Variants in THSD7B observed in about 807,000 individuals in gnomAD.
THSD7B encodes the protein thrombospondin type-1 domain-containing protein 7B.
In THSD7B, 138 loss-of-function variants were observed where a neutral mutation model predicts 213.6. That is an observed-to-expected ratio of 0.65 (90% confidence interval 0.56 to 0.74). The LOEUF (loss-of-function observed/expected upper bound fraction) is 0.74, where lower values mean the gene tolerates loss of function less well. Among genes scored for constraint, THSD7B ranks in the 30% least tolerant of loss-of-function variants. The pLI is 0.00. For missense variants in THSD7B, 1,931 were observed against 1,991.5 expected (o/e 0.97, Z 0.58); for synonymous variants, 742 against 687.0 (o/e 1.08, Z -1.25).
At chr2:137,387,140 C>T (rs182053666) in intron 12 of THSD7B, among the ~76,000 whole-genome samples, 18 of 152,322 alleles carry the variant, frequency 1.2e-4, no homozygotes, top group African/African-American at 3.8e-4. Context: ...GAACTCAGTT[C>T]TCTGTGTTAT....
At chr2:137,398,145 CT>C (rs1686243167) in intron 12 of THSD7B, among the ~76,000 whole-genome samples, 1 of 133,490 alleles carries the variant, frequency 7.5e-6, no homozygotes, top group Non-Finnish European at 1.6e-5. Context: ...ATTTGATCGT[CT>C]GAAGCCTTCT....
At chr2:136,826,724 G>A (rs1418313517) in intron 1 of THSD7B, among the ~76,000 whole-genome samples, 9 of 152,098 alleles carry the variant, frequency 5.9e-5, no homozygotes, top group African/African-American at 1.7e-4. Flanking sequence ...AATTTCAGAC[G>A]CAGTAAGAAA....
chr2:136,875,137 C>T (rs1413039399), intron 1 of THSD7B, among the ~76,000 whole-genome samples: 2 of 152,162 alleles, frequency 1.3e-5, no homozygotes, highest in African/African-American at 4.8e-5. Flanking sequence ...AAACTCCATT[C>T]TGGGCTGGGC....
At chr2:136,996,519 A>T (rs1685893413) in intron 2 of THSD7B, among the ~76,000 whole-genome samples, 1 of 151,464 alleles carries the variant, frequency 6.6e-6, no homozygotes, top group East Asian at 2.0e-4. Context: ...TTAAAAAAAA[A>T]TTATTTGTAG....
chr2:137,267,799 T>G (rs973991742), intron 10 of THSD7B, among the ~76,000 whole-genome samples: 9 of 152,254 alleles, frequency 5.9e-5, no homozygotes, highest in Non-Finnish European at 1.3e-4. Context: ...ACATTTAATA[T>G]GTTTTACACA....
At chr2:137,664,169 T>C (rs927038246) in intron 26 of THSD7B, among the ~76,000 whole-genome samples, 2 of 152,166 alleles carry the variant, frequency 1.3e-5, no homozygotes, top group Non-Finnish European at 2.9e-5. Flanking sequence ...TATCTTTCAA[T>C]CCTAAATTAT....
chr2:137,188,354 G>A (rs890098295), intron 7 of THSD7B, among the ~76,000 whole-genome samples: 1 of 152,062 alleles, frequency 6.6e-6, no homozygotes, highest in African/African-American at 2.4e-5. Flanking sequence ...ATGAATTGGA[G>A]TGCTGAAGGT....
intron 12 of THSD7B, among the ~76,000 whole-genome samples, chr2:137,298,713 T>A (rs1683526061): frequency 6.6e-6 from 1 of 152,170 alleles, no homozygotes. Context: ...AGGCTGTGCC[T>A]TCAGAGGGTG....
At chr2:137,583,507 A>T (rs1203292827) in intron 17 of THSD7B, among the ~76,000 whole-genome samples, 4 of 152,170 alleles carry the variant, frequency 2.6e-5, no homozygotes, top group African/African-American at 9.7e-5. Flanking sequence ...TCTTGAATTA[A>T]TTTTTGTATA....
intron 7 of THSD7B, 122 bp from the exon 8 acceptor site, chr2:137,230,922 A>G (rs1289945496): frequency 5.1e-6 from 5 of 972,002 alleles, no homozygotes; most frequent in African/African-American, 1.6e-5. Flanking sequence ...TCTGATGTAA[A>G]TATTGTGAAT....
chr2:137,487,050 C>G (rs1429871225), intron 15 of THSD7B, among the ~76,000 whole-genome samples: 2 of 150,588 alleles, frequency 1.3e-5, no homozygotes, highest in Non-Finnish European at 2.9e-5. Flanking sequence ...AGAAAAGATC[C>G]AAAATTGACA....
intron 2 of THSD7B, among the ~76,000 whole-genome samples, chr2:136,912,195 G>T (rs117131909): frequency 6.6e-6 from 1 of 151,688 alleles, no homozygotes; most frequent in Non-Finnish European, 1.5e-5. Flanking sequence ...GCTGGTGGGC[G>T]CCCATAATCC....
At chr2:137,473,754 G>A (rs1373570877) in intron 15 of THSD7B, among the ~76,000 whole-genome samples, 1 of 152,182 alleles carries the variant, frequency 6.6e-6, no homozygotes, top group African/African-American at 2.4e-5. Flanking sequence ...CACTACAAAT[G>A]TCTGAGAGGT....
At chr2:137,247,533 A>G (rs941159231) in intron 10 of THSD7B, among the ~76,000 whole-genome samples, 1 of 152,294 alleles carries the variant, frequency 6.6e-6, no homozygotes, top group Non-Finnish European at 1.5e-5. Flanking sequence ...ATTCAACAGA[A>G]TATTTCTAGA....
chr2:136,961,936 A>C (rs1159091992), intron 2 of THSD7B, among the ~76,000 whole-genome samples: 1 of 152,200 alleles, frequency 6.6e-6, no homozygotes, highest in African/African-American at 2.4e-5. Context: ...CCCATGTCCT[A>C]ATGCCCAGGA....
At chr2:137,369,595 G>A (rs371924251) in intron 12 of THSD7B, among the ~76,000 whole-genome samples, 1 of 152,180 alleles carries the variant, frequency 6.6e-6, no homozygotes, top group Non-Finnish European at 1.5e-5. Context: ...AGTGAACTAA[G>A]AGCTGCAAAG....
chr2:137,181,388 T>C lies in THSD7B; in HGVS notation c.1723+10450T>C, dbSNP rs148576657. On this transcript the variant is annotated intron_variant, in intron 7 of 27. Transcript: ENST00000409968. ...ATACACCAAAGTGGTCTTTATTACA[T>C]CAGAGTTCATTAAATATACTTAACT... Among the ~76,000 whole-genome samples the C allele has an allele frequency of 6.8e-3, 1,031 of 152,286 alleles. 10 individuals carry two copies. Among genetic ancestry groups the C allele is most frequent in the African/African-American group, 0.023 (966 of 41,564 alleles).
At chr2:137,460,477 C>A (rs1687862635) in intron 15 of THSD7B, among the ~76,000 whole-genome samples, 1 of 152,036 alleles carries the variant, frequency 6.6e-6, no homozygotes, top group Non-Finnish European at 1.5e-5. Context: ...GATTGCTCCT[C>A]TTTTTGCATT....
rs190362692 is a variant in THSD7B, at chr2:137,596,628, C to T, written c.3424-19547C>T. ...TAATGTGAGAGTTGTGCTGTGAGTG[C>T]CTAATATAAATGGCTTCTTTTATTC... On this transcript the variant is annotated intron_variant, in intron 17 of 27. Coordinates refer to ENST00000409968, the MANE Select transcript of THSD7B (RefSeq NM_001316349.2). Among the ~76,000 whole-genome samples the T allele has an allele frequency of 2.1e-3, 313 of 151,996 alleles. 1 individual carries two copies. The highest frequency in any genetic ancestry group is 2.8e-3 in the Non-Finnish European group (191 of 67,900).
Sources: allele counts gnomAD v4.1 joint callset (sites outside exome capture counted in the v4.1 genomes callset), GRCh38; gene constraint gnomAD v4.1.1; transcripts MANE v1.5; gene names NCBI Gene and HGNC (gene_info 2026-07-23, HGNC 2026-07-21).